Variants in TMEM132C observed in about 807,000 individuals in gnomAD.
The protein encoded by TMEM132C is transmembrane protein 132C, also known as protein phosphatase 1, regulatory subunit 152.
Under a neutral mutation model 61.4 loss-of-function variants are expected in TMEM132C, and 29 were observed. The ratio of observed to expected loss-of-function variants is 0.47; its 90% CI spans 0.35 to 0.64. The LOEUF (loss-of-function observed/expected upper bound fraction) is 0.64, where lower values mean the gene tolerates loss of function less well. TMEM132C is among the 30% of genes least tolerant of loss of function. The probability of loss-of-function intolerance (pLI) is 0.00; values close to 1 mark genes in which losing one functional copy is unlikely to be tolerated. For synonymous variants in TMEM132C, 656 were observed against 633.1 expected, an observed-to-expected ratio of 1.04 and a Z score of -0.54; for missense variants, 1,408 against 1,476.9, an observed-to-expected ratio of 0.95 and a Z score of 0.76.
chr12:128,479,403 C>T (rs1249715821), intron 2 of TMEM132C, among the ~76,000 whole-genome samples: 1 of 152,320 alleles, frequency 6.6e-6, no homozygotes, highest in East Asian at 1.9e-4. Context: ...CTACAGCCTA[C>T]AGGCCTGGTC....
At chr12:128,674,071 C>T (rs2135634271) in intron 5 of TMEM132C, among the ~76,000 whole-genome samples, 1 of 152,308 alleles carries the variant, frequency 6.6e-6, no homozygotes, top group Non-Finnish European at 1.5e-5. Context: ...GTTTGGCAAC[C>T]ATCACCATGA....
At chr12:128,459,031 G>A (rs1870441093) in intron 2 of TMEM132C, among the ~76,000 whole-genome samples, 2 of 152,218 alleles carry the variant, frequency 1.3e-5, no homozygotes, top group African/African-American at 4.8e-5. Flanking sequence ...GAAGTCTGCA[G>A]TACAAGAGGT....
chr12:128,694,617 C>T (rs1036115900), intron 6 of TMEM132C, among the ~76,000 whole-genome samples: 29 of 152,188 alleles, frequency 1.9e-4, no homozygotes, highest in African/African-American at 6.0e-4. Flanking sequence ...AGCTTCCTGC[C>T]TGGAATGCTC....
intron 1 of TMEM132C, among the ~76,000 whole-genome samples, chr12:128,311,480 C>CG (rs1163602743): frequency 1.9e-4 from 29 of 152,306 alleles, no homozygotes; most frequent in African/African-American, 6.5e-4. Flanking sequence ...GGAGGGGACC[C>CG]GCTTCTCTGC....
chr12:128,573,506 A>G (rs1419172040), intron 3 of TMEM132C, among the ~76,000 whole-genome samples: 3 of 152,130 alleles, frequency 2.0e-5, no homozygotes, highest in Admixed American at 6.5e-5. Context: ...AATGTAAATG[A>G]TGAGTTAATG....
chr12:128,680,658 C>A (rs961042240), intron 5 of TMEM132C, among the ~76,000 whole-genome samples: 1 of 152,186 alleles, frequency 6.6e-6, no homozygotes, highest in Non-Finnish European at 1.5e-5. Flanking sequence ...AGAATCAAAA[C>A]CTTTGACTGG....
At chr12:128,342,278 A>G (rs1280607969) in intron 1 of TMEM132C, among the ~76,000 whole-genome samples, 2 of 152,088 alleles carry the variant, frequency 1.3e-5, no homozygotes, top group Non-Finnish European at 2.9e-5. Flanking sequence ...AAGTGCTGGG[A>G]TTACAGATGT....
rs192527930 is a variant in TMEM132C, at chr12:128,503,501, G to A, written c.975-40456G>A. Among the ~76,000 whole-genome samples the A allele has an allele frequency of 5.9e-4, 90 of 152,320 alleles. No individual in the cohort carries two copies. The East Asian group carries it at 0.017, about 28-fold the overall frequency. On this transcript the variant is annotated intron_variant, in intron 2 of 8. Coordinates refer to ENST00000435159, the MANE Select transcript of TMEM132C (RefSeq NM_001136103.3). ...CTATCTAAAGTGGGGGATTGGGCTGGACTTCTAACATTCTTCTGGTTCTGA... is the reference window on the plus strand; with the variant it reads ...CTATCTAAAGTGGGGGATTGGGCTGAACTTCTAACATTCTTCTGGTTCTGA...
At chr12:128,599,062 T>TC (rs1364281924) in intron 3 of TMEM132C, among the ~76,000 whole-genome samples, 1 of 151,804 alleles carries the variant, frequency 6.6e-6, no homozygotes, top group Non-Finnish European at 1.5e-5. Flanking sequence ...TGGGTGTTTT[T>TC]TGCCCTCTGC....
intron 2 of TMEM132C, among the ~76,000 whole-genome samples, chr12:128,416,839 G>A (rs1166423246): frequency 1.3e-5 from 2 of 151,998 alleles, no homozygotes; most frequent in Non-Finnish European, 2.9e-5. Flanking sequence ...AATGTTTTCT[G>A]GATACGCTTG....
intron 1 of TMEM132C, among the ~76,000 whole-genome samples, chr12:128,301,839 G>A (rs113419394): frequency 0.018 from 2,780 of 152,264 alleles, 64 homozygotes; most frequent in African/African-American, 0.057. Flanking sequence ...TAATGGACTC[G>A]CAGTTCCATG....
chr12:128,267,551 G>C (rs1318975944), intron 1 of TMEM132C, 64 bp downstream of exon 1: 2 of 1,188,364 alleles, frequency 1.7e-6, no homozygotes, highest in Non-Finnish European at 2.1e-6. Context: ...GGGGGAGCTC[G>C]GGGTGAGGGC....
At chr12:128,515,766 C>T (rs529566033) in intron 2 of TMEM132C, among the ~76,000 whole-genome samples, 4 of 151,454 alleles carry the variant, frequency 2.6e-5, no homozygotes, top group South Asian at 2.1e-4. Context: ...ACCCGGGAGG[C>T]GGAGTTTGCA....
chr12:128,577,446 G>C (rs1875154100), intron 3 of TMEM132C, among the ~76,000 whole-genome samples: 1 of 152,180 alleles, frequency 6.6e-6, no homozygotes, highest in Non-Finnish European at 1.5e-5. Context: ...AGGAGAACCT[G>C]GGAGACAAAC....
At chr12:128,551,143 CAAATGAATCCTTGTCTTAT>C (rs1375155066) in intron 3 of TMEM132C, among the ~76,000 whole-genome samples, 1 of 151,702 alleles carries the variant, frequency 6.6e-6, no homozygotes, top group Non-Finnish European at 1.5e-5. Flanking sequence ...CAGTCACTTG[CAAATGAATCCTTGTCTTAT>C]GATCGGCTTC....
chr12:128,552,970 T>C (rs1349816806), intron 3 of TMEM132C, among the ~76,000 whole-genome samples: 2 of 152,110 alleles, frequency 1.3e-5, no homozygotes, highest in Non-Finnish European at 1.5e-5. Context: ...CTAATGTTAA[T>C]AGCAAGAGGC....
intron 3 of TMEM132C, among the ~76,000 whole-genome samples, chr12:128,562,547 A>T (rs544904646): frequency 1.3e-5 from 2 of 152,310 alleles, no homozygotes; most frequent in Admixed American, 1.3e-4. Flanking sequence ...AATGGCAAAG[A>T]CGCCTCATTC....
At chr12:128,592,574 C>T (rs1445646640) in intron 3 of TMEM132C, among the ~76,000 whole-genome samples, 2 of 152,194 alleles carry the variant, frequency 1.3e-5, no homozygotes, top group Non-Finnish European at 1.5e-5. Context: ...GAACGACTTC[C>T]TGGCAGCCAG....
chr12:128,371,173 G>A (rs1874017921), intron 1 of TMEM132C, among the ~76,000 whole-genome samples: 1 of 152,196 alleles, frequency 6.6e-6, no homozygotes, highest in African/African-American at 2.4e-5. Flanking sequence ...GTGTTCTCAT[G>A]TGAACAGAAG....
Sources: allele counts gnomAD v4.1 joint callset (sites outside exome capture counted in the v4.1 genomes callset), GRCh38; gene constraint gnomAD v4.1.1; transcripts MANE v1.5; gene names NCBI Gene and HGNC (gene_info 2026-07-23, HGNC 2026-07-21).